Variants in PTPRZ1 observed in about 807,000 individuals in gnomAD.
PTPRZ1 encodes the protein protein tyrosine phosphatase receptor type Z1, also known as receptor-type tyrosine-protein phosphatase zeta.
PTPRZ1 carries 82 observed loss-of-function variants against 214.1 expected under a neutral mutation model. That is an observed-to-expected ratio of 0.38 (90% CI 0.32 to 0.46). The LOEUF is 0.46. Among genes scored for constraint, PTPRZ1 ranks in the 20% least tolerant of loss-of-function variants. The probability of loss-of-function intolerance (pLI) is 1.00; values close to 1 mark genes in which losing one functional copy is unlikely to be tolerated. For synonymous variants in PTPRZ1, 945 were observed against 987.9 expected (o/e 0.96, Z 0.81); for missense variants, 2,603 against 2,748.7 (o/e 0.95, Z 1.19).
intron 13 of PTPRZ1, among the ~76,000 whole-genome samples, chr7:122,023,880 G>A (rs1799127045): frequency 6.9e-6 from 1 of 143,986 alleles, no homozygotes; most frequent in African/African-American, 2.6e-5. Context: ...GCCAGACCCA[G>A]GAATAGAATA....
chr7:121,911,254 T>C (rs1310929885), intron 1 of PTPRZ1, among the ~76,000 whole-genome samples: 1 of 152,138 alleles, frequency 6.6e-6, no homozygotes, highest in African/African-American at 2.4e-5. Flanking sequence ...ATTTATAAAG[T>C]TTGATTTGAA....
chr7:122,040,178 C>G (rs1174335426), intron 20 of PTPRZ1, among the ~76,000 whole-genome samples: 1 of 151,740 alleles, frequency 6.6e-6, no homozygotes, highest in African/African-American at 2.4e-5. Flanking sequence ...TGACACAATC[C>G]CAATATTCAA....
In PTPRZ1 at chr7:121,972,685, C is replaced by T; in HGVS notation, c.449C>T (p.Pro150Leu). ...SEHSLEGQKF[P>L]LEMQIYCFDA... ...CATAGTTTAGAAGGACAAAAATTTC[C>T]ACTTGAGGTAAGTCAGGAGATCTGC... Residue 150 changes from proline to leucine, a missense_variant, in exon 4 of 30, where the codon CCA becomes CTA. Transcript: ENST00000393386. 6.2e-7 allele frequency: 1 copy of T among 1,601,778 alleles called. No homozygotes were observed. Among genetic ancestry groups the T allele is most frequent in the Non-Finnish European group, 8.5e-7 (1 of 1,174,582 alleles).
At chr7:121,976,944 T>A in intron 6 of PTPRZ1, 93 bp downstream of exon 6, 1 of 981,478 alleles carries the variant, frequency 1.0e-6, no homozygotes, top group Non-Finnish European at 1.5e-6. Context: ...TTCCAAAAGG[T>A]GGAAAGTACT....
At chr7:121,997,731 A>G (rs1175437417) in intron 9 of PTPRZ1, 149 bp from the exon 10 acceptor site, 2 of 516,228 alleles carry the variant, frequency 3.9e-6, no homozygotes, top group Non-Finnish European at 6.3e-6. Context: ...AAGTTTAACT[A>G]AGCAACATTG....
chr7:122,014,235 A>G (rs894347034), intron 12 of PTPRZ1, among the ~76,000 whole-genome samples: 1 of 152,250 alleles, frequency 6.6e-6, no homozygotes, highest in Admixed American at 6.5e-5. Context: ...AGATCAGAGT[A>G]TGCTATTTTA....
chr7:121,903,077 G>T (rs1430670701), intron 1 of PTPRZ1, among the ~76,000 whole-genome samples: 2 of 152,126 alleles, frequency 1.3e-5, no homozygotes, highest in Admixed American at 6.5e-5. Context: ...TGGGCTGACT[G>T]CTGGGAATAT....
intron 1 of PTPRZ1, among the ~76,000 whole-genome samples, chr7:121,915,582 G>T (rs1042542523): frequency 1.3e-5 from 2 of 152,098 alleles, no homozygotes; most frequent in Admixed American, 1.3e-4. Context: ...ACATATTAAA[G>T]AACTTTAGGC....
chr7:121,907,176 T>A (rs1364456896), intron 1 of PTPRZ1, among the ~76,000 whole-genome samples: 2 of 152,120 alleles, frequency 1.3e-5, no homozygotes, highest in Non-Finnish European at 2.9e-5. Flanking sequence ...CTTACAAATA[T>A]CACATTAATT....
chr7:122,043,536 A>G (rs1270413187), intron 22 of PTPRZ1, among the ~76,000 whole-genome samples: 1 of 152,228 alleles, frequency 6.6e-6, no homozygotes, highest in Non-Finnish European at 1.5e-5. Flanking sequence ...AAATGAACTT[A>G]AATGGAAACC....
chr7:122,023,737 TTA>T lies in PTPRZ1; in HGVS notation c.4988+4476_4988+4477del, dbSNP rs1584753232. ...AATTATATATATTATATGTATAATT[TTA>T]TATATAATTATATATATAATGTATA... On this transcript the variant is annotated intron_variant, in intron 13 of 29. Coordinates refer to ENST00000393386, the MANE Select transcript of PTPRZ1 (RefSeq NM_002851.3). Among the ~76,000 whole-genome samples the T allele has an allele frequency of 5.1e-5, 7 of 136,520 alleles. No individual in the cohort carries two copies. The East Asian group carries it at 1.4e-3, about 27-fold the overall frequency. The allele number at this position is 136,520 out of a possible 152,430, so 89.6% of individuals were successfully genotyped here. A position where few individuals can be genotyped will look rare whatever the true frequency, so the allele number is the denominator to read the frequency against.
chr7:121,908,359 C>CGTAGCA, intron 1 of PTPRZ1: 2 of 230,646 alleles, frequency 8.7e-6, no homozygotes, highest in Non-Finnish European at 1.7e-5. Context: ...AGATCAATCC[C>CGTAGCA]TTTGGAAAAG....
chr7:122,061,134 G>A lies in PTPRZ1; in HGVS notation c.6862G>A (p.Glu2288Lys). The A allele has an allele frequency of 6.2e-7, 1 of 1,609,712 alleles. No individual in the cohort carries two copies. The highest frequency in any genetic ancestry group is 2.2e-5 in the East Asian group (1 of 44,742). Residue 2288 changes from glutamate to lysine, a missense_variant, in exon 30 of 30, where the codon GAA becomes AAA. Physicochemically the swap from Glu to Lys is moderately conservative, Grantham distance 56 (BLOSUM62 1). This residue lies in a region of PTPRZ1 where 165 missense variants were observed against 151.4 expected (regional missense o/e 1.09). Coordinates refer to ENST00000393386, the MANE Select transcript of PTPRZ1 (RefSeq NM_002851.3). ...VILSLVSTRQEENPSTSLDSN... is the reference protein window; with the variant it reads ...VILSLVSTRQKENPSTSLDSN... ...CCTCAGCCTTGTGAGCACAAGGCAG[G>A]AAGAGAATCCATCCACCTCTCTGGA...
At chr7:121,932,976 A>G (rs1443767577) in intron 2 of PTPRZ1, among the ~76,000 whole-genome samples, 3 of 152,148 alleles carry the variant, frequency 2.0e-5, no homozygotes, top group African/African-American at 7.2e-5. Context: ...AGGTTGAGCA[A>G]GGCTTGCTTG....
At chr7:122,040,192 A>G (rs1799679622) in intron 20 of PTPRZ1, among the ~76,000 whole-genome samples, 1 of 152,172 alleles carries the variant, frequency 6.6e-6, no homozygotes, top group Non-Finnish European at 1.5e-5. Flanking sequence ...TATTCAACTA[A>G]AAAGAGTGGA....
At chr7:121,951,356 CTTTT>C (rs755423503) in intron 2 of PTPRZ1, among the ~76,000 whole-genome samples, 37 of 152,268 alleles carry the variant, frequency 2.4e-4, no homozygotes, top group Admixed American at 1.2e-3. Flanking sequence ...ACTAGTATCA[CTTTT>C]AAAAGTTTTA....
At chr7:121,961,033 A>G (rs1247621320) in intron 2 of PTPRZ1, among the ~76,000 whole-genome samples, 1 of 152,232 alleles carries the variant, frequency 6.6e-6, no homozygotes, top group Non-Finnish European at 1.5e-5. Context: ...CCATTAAAGA[A>G]ACATAAATAA....
At chr7:121,920,915 G>T (rs1795578175) in intron 1 of PTPRZ1, among the ~76,000 whole-genome samples, 1 of 151,934 alleles carries the variant, frequency 6.6e-6, no homozygotes, top group South Asian at 2.1e-4. Context: ...AAAGAAATAG[G>T]TTACCAAACA....
intron 8 of PTPRZ1, among the ~76,000 whole-genome samples, chr7:121,988,115 T>C (rs1797819998): frequency 1.3e-5 from 2 of 152,230 alleles, no homozygotes; most frequent in African/African-American, 4.8e-5. Context: ...CAGCATCTTT[T>C]AGTATTCTCA....
Sources: gnomAD v4.1 joint callset for allele counts (sites outside exome capture counted in the v4.1 genomes callset) on GRCh38, gnomAD v4.1.1 for gene constraint, gnomAD v4.1.1 regional missense constraint, MANE v1.5 for transcripts, NCBI Gene and HGNC (gene_info 2026-07-23, HGNC 2026-07-21) for gene names.